KSR2: variants seen among roughly 807,000 people sequenced by gnomAD.
KSR2 encodes the protein kinase suppressor of ras 2.
KSR2 carries 25 observed loss-of-function variants against 107.8 expected under a neutral mutation model. That is an observed-to-expected ratio of 0.23 (90% CI 0.17 to 0.32). KSR2 has a LOEUF of 0.32. Among genes scored for constraint, KSR2 ranks in the 10% least tolerant of loss-of-function variants. KSR2 has a pLI of 1.00. For missense variants in KSR2, 887 were observed against 1,268.9 expected (o/e 0.70, Z 4.57); for synonymous variants, 480 against 507.0 (o/e 0.95, Z 0.71).
intron 5 of KSR2, among the ~76,000 whole-genome samples, chr12:117,646,230 TGTAAAATCCATGAA>T: frequency 6.6e-6 from 1 of 152,180 alleles, no homozygotes; most frequent in African/African-American, 2.4e-5. Flanking sequence ...AATCCATGGA[TGTAAAATCCATGAA>T]TACAGAGGGC....
chr12:117,848,663 G>A (rs142567547), intron 3 of KSR2, among the ~76,000 whole-genome samples: 119 of 152,254 alleles, frequency 7.8e-4, no homozygotes, highest in African/African-American at 1.9e-3. Context: ...CCCTTGGAAG[G>A]GCCCCTTGGA....
intron 1 of KSR2, among the ~76,000 whole-genome samples, chr12:117,939,863 C>T (rs1248665098): frequency 6.6e-6 from 1 of 151,748 alleles, no homozygotes; most frequent in Non-Finnish European, 1.5e-5. Context: ...ATTGCTTGAA[C>T]CCAGGAGATG....
chr12:117,726,558 A>G (rs1344489218), intron 4 of KSR2, among the ~76,000 whole-genome samples: 1 of 152,172 alleles, frequency 6.6e-6, no homozygotes, highest in African/African-American at 2.4e-5. Flanking sequence ...GCCAGATGCT[A>G]GAAGCACTGT....
intron 5 of KSR2, among the ~76,000 whole-genome samples, chr12:117,623,659 T>C (rs1456846546): frequency 2.6e-5 from 4 of 152,258 alleles, no homozygotes; most frequent in Non-Finnish European, 5.9e-5. Context: ...TTCCAAGTCT[T>C]TGCTATTGTG....
chr12:117,900,024 G>A (rs1170841085), intron 1 of KSR2, among the ~76,000 whole-genome samples: 1 of 152,182 alleles, frequency 6.6e-6, no homozygotes, highest in Non-Finnish European at 1.5e-5. Context: ...GCCTTCAGAT[G>A]AGAATGCAGC....
At chr12:117,564,683 T>A (rs892049823) in intron 7 of KSR2, among the ~76,000 whole-genome samples, 15 of 152,208 alleles carry the variant, frequency 9.9e-5, no homozygotes, top group South Asian at 4.1e-4. Flanking sequence ...GGGCAGAATC[T>A]AGGTCTCCCT....
In KSR2 at chr12:117,708,180, G is replaced by A. The variant is rs565188080; in HGVS notation, c.987-40522C>T. Among the ~76,000 whole-genome samples the A allele has an allele frequency of 3.3e-5, 5 of 152,304 alleles. No homozygotes were observed. In the East Asian group the frequency reaches 7.7e-4, roughly 23 times the overall value. ...GGCAAAATAAATGTTAGGAGACAGCGGATCCATGGCTTTAATTAAACCATT... is the reference window on the plus strand; with the variant it reads ...GGCAAAATAAATGTTAGGAGACAGCAGATCCATGGCTTTAATTAAACCATT... On this transcript the variant is annotated intron_variant, in intron 4 of 19. Coordinates refer to ENST00000339824, the MANE Select transcript of KSR2 (RefSeq NM_173598.6).
chr12:117,793,556 C>T (rs1198311352), intron 3 of KSR2, among the ~76,000 whole-genome samples: 7 of 150,950 alleles, frequency 4.6e-5, no homozygotes, highest in African/African-American at 1.5e-4. Context: ...CATGCACACT[C>T]ACACCAACAT....
chr12:117,468,507 G>T (rs1337334509), intron 19 of KSR2, among the ~76,000 whole-genome samples: 4 of 152,168 alleles, frequency 2.6e-5, no homozygotes, highest in African/African-American at 9.7e-5. Context: ...AGCTCAAATG[G>T]CAGGGGAAGG....
At chr12:117,708,553 T>C (rs1280113131) in intron 4 of KSR2, among the ~76,000 whole-genome samples, 1 of 152,156 alleles carries the variant, frequency 6.6e-6, no homozygotes, top group Non-Finnish European at 1.5e-5. Context: ...CAGGACCCCC[T>C]GGAAGAATGA....
At chr12:117,758,959 C>A (rs1703956349) in intron 4 of KSR2, among the ~76,000 whole-genome samples, 1 of 152,120 alleles carries the variant, frequency 6.6e-6, no homozygotes, top group Admixed American at 6.5e-5. Context: ...AACTTTACCC[C>A]ACATCTTCAC....
intron 3 of KSR2, among the ~76,000 whole-genome samples, chr12:117,824,579 G>A (rs958043983): frequency 7.2e-5 from 11 of 151,952 alleles, no homozygotes; most frequent in African/African-American, 9.7e-5. Context: ...ATTTTAGGCC[G>A]GGCGCGGTGG....
At chr12:117,777,086 TTTTA>T (rs1566009141) in intron 3 of KSR2, among the ~76,000 whole-genome samples, 3 of 85,370 alleles carry the variant, frequency 3.5e-5, no homozygotes, top group Non-Finnish European at 2.0e-5. Flanking sequence ...AATATATATA[TTTTA>T]TATATATATA....
chr12:117,455,548 C>T lies in KSR2; in HGVS notation c.*11651G>A, dbSNP rs1268077913. The stretch of plus-strand genomic sequence containing the variant: ...CCTCGGGACCCTACTGGAACTCCTC[C>T]CTCTCTTCATCGGACTCCTAGTACC... On this transcript the variant is annotated 3_prime_UTR_variant, in exon 20 of 20. Coordinates refer to ENST00000339824, the MANE Select transcript of KSR2 (RefSeq NM_173598.6). 6.6e-6 allele frequency: 1 copy of T among 152,138 alleles called. No individual in the cohort carries two copies. The highest frequency in any genetic ancestry group is 1.5e-5 in the Non-Finnish European group (1 of 68,040). 9.4% of individuals were successfully genotyped at this position (152,138 alleles called of 1,614,324 possible). A position where few individuals can be genotyped will look rare whatever the true frequency, so the allele number is the denominator to read the frequency against.
chr12:117,957,801 G>GA (rs1442481603), intron 1 of KSR2, among the ~76,000 whole-genome samples: 3 of 149,138 alleles, frequency 2.0e-5, no homozygotes, highest in African/African-American at 7.4e-5. Flanking sequence ...AAGGCAAAAG[G>GA]AAAGGGCCAA....
intron 3 of KSR2, among the ~76,000 whole-genome samples, chr12:117,787,241 C>T (rs1284097832): frequency 1.3e-5 from 2 of 152,122 alleles, no homozygotes; most frequent in African/African-American, 2.4e-5. Context: ...TGGTCTTGTT[C>T]AGTCTTGGCT....
intron 3 of KSR2, among the ~76,000 whole-genome samples, chr12:117,782,716 C>T (rs969517446): frequency 6.6e-5 from 10 of 152,136 alleles, no homozygotes; most frequent in Admixed American, 2.0e-4. Context: ...CTGTGTTTTA[C>T]ATGTTTTAAG....
chr12:117,827,749 T>C (rs1322010917), intron 3 of KSR2, among the ~76,000 whole-genome samples: 1 of 152,202 alleles, frequency 6.6e-6, no homozygotes, highest in Admixed American at 6.5e-5. Context: ...TTAAATTCTA[T>C]GAGGTTTAGA....
At chr12:117,741,956 G>A (rs1888235056) in intron 4 of KSR2, among the ~76,000 whole-genome samples, 2 of 152,218 alleles carry the variant, frequency 1.3e-5, no homozygotes, top group African/African-American at 4.8e-5. Context: ...CAACTGGTGA[G>A]AGAGTAACTG....
Sources: gnomAD v4.1 joint callset for allele counts (sites outside exome capture counted in the v4.1 genomes callset) on GRCh38, gnomAD v4.1.1 for gene constraint, MANE v1.5 for transcripts, NCBI Gene and HGNC (gene_info 2026-07-23, HGNC 2026-07-21) for gene names.